The following YIPF5 variants were observed in gnomAD, a reference collection of about 807,000 sequenced individuals.
YIPF5 encodes the protein protein YIPF5.
In YIPF5, 8 loss-of-function variants were observed where a neutral mutation model predicts 30.4. The observed-to-expected ratio is 0.26, with a 90% confidence interval of 0.15 to 0.47. YIPF5 has a LOEUF of 0.47. Among genes scored for constraint, YIPF5 ranks in the 20% least tolerant of loss-of-function variants. YIPF5 has a pLI of 0.99. For missense variants in YIPF5, 282 were observed against 301.8 expected, an observed-to-expected ratio of 0.93 and a Z score of 0.49; for synonymous variants, 104 against 107.9, an observed-to-expected ratio of 0.96 and a Z score of 0.23.
chr5:144,164,885 T>C (rs764521791), intron 3 of YIPF5, among the ~76,000 whole-genome samples: 4 of 152,186 alleles, frequency 2.6e-5, no homozygotes, highest in Non-Finnish European at 5.9e-5. Context: ...TAAGGGGTTC[T>C]TTACTTGGGG....
At position 144,159,727 on chromosome 5, in the gene YIPF5, C is replaced by CA. The variant is rs1312154062; in HGVS notation, c.*669dup. ...TCTCCTTTTTTTTTTTTTTTTGAGA[C>CA]AGAGTCTCACCCTGTCACCCAGGCT... is the stretch of plus-strand genomic sequence containing the variant. On this transcript the variant is annotated 3_prime_UTR_variant, in exon 6 of 6. Coordinates refer to ENST00000274496, the MANE Select transcript of YIPF5 (RefSeq NM_030799.9). The CA allele has an allele frequency of 1.3e-5, 11 of 817,516 alleles. No individual in the cohort carries two copies. Among genetic ancestry groups the CA allele is most frequent in the African/African-American group, 2.2e-5 (1 of 46,014 alleles). The allele number at this position is 817,516 out of a possible 1,614,324, so 50.6% of individuals were successfully genotyped here. A position where few individuals can be genotyped will look rare whatever the true frequency, so the allele number is the denominator to read the frequency against.
Position 144,158,718 on chromosome 5 carries a change from G to A in YIPF5, c.*1679C>T, listed in dbSNP as rs1360488604. ...CCAAATTGCTTTTTTAAAGCAATTT[G>A]GTAAGTTTGAAAACCTAGCCCAAAA... On this transcript the variant is annotated 3_prime_UTR_variant, in exon 6 of 6. Transcript: ENST00000274496. The A allele has an allele frequency of 9.9e-7, 1 of 1,015,086 alleles. No individual in the cohort carries two copies. Among genetic ancestry groups the A allele is most frequent in the African/African-American group, 1.7e-5 (1 of 57,322 alleles). The allele number at this position is 1,015,086 out of a possible 1,614,324, so 62.9% of individuals were successfully genotyped here.
chr5:144,159,327 A>G lies in YIPF5; in HGVS notation c.*1070T>C. 1.0e-6 allele frequency: 1 copy of G among 976,518 alleles called. No individual in the cohort carries two copies. The highest frequency in any genetic ancestry group is 1.7e-5 in the African/African-American group (1 of 57,160). 60.5% of individuals were successfully genotyped at this position (976,518 alleles called of 1,614,324 possible). On this transcript the variant is annotated 3_prime_UTR_variant, in exon 6 of 6. Coordinates refer to ENST00000274496, the MANE Select transcript of YIPF5 (RefSeq NM_030799.9). ...AATGTACTTTACATTGATAATTGCA[A>G]TATTGAATTTTGTAAAACTTTAAAT...
Position 144,165,526 on chromosome 5 carries a change from G to A in YIPF5, c.189C>T (p.Thr63=), listed in dbSNP as rs372885688. The stretch of plus-strand genomic sequence containing the variant: ...CCTGAGTTGGCTGGTAAATCTGCCC[G>A]GTGTATGGCTGTTGTGGCTGCATCA... ...PDMMQPQQPY[T]GQIYQPTQAY... The change falls in exon 3 of 6, where the codon ACC becomes ACT. Residue 63 remains threonine, a synonymous_variant. Coordinates refer to ENST00000274496, the MANE Select transcript of YIPF5 (RefSeq NM_030799.9). 347 of 1,614,096 alleles carry A rather than the reference G, an allele frequency of 2.1e-4. 2 individuals carry two copies. The highest frequency in any genetic ancestry group is 3.3e-4 in the Middle Eastern group (2 of 6,060).
chr5:144,160,598 A>C, intron 5 of YIPF5, 39 bp from the exon 6 acceptor site: 1 of 1,544,360 alleles, frequency 6.5e-7, no homozygotes, highest in Non-Finnish European at 8.8e-7. Flanking sequence ...AAGAAAAAAA[A>C]GCAGATGAGA....
In YIPF5 at chr5:144,165,528, T is replaced by C. The variant is rs748594611; in HGVS notation, c.187A>G (p.Thr63Ala). The change falls in exon 3 of 6, where the codon ACC becomes GCC. Residue 63 changes from threonine (T) to alanine (A), a missense_variant. Thr to Ala is a moderately conservative substitution (Grantham distance 58, BLOSUM62 0). Transcript: ENST00000274496. ...TGAGTTGGCTGGTAAATCTGCCCGG[T>C]GTATGGCTGTTGTGGCTGCATCATG... ...PDMMQPQQPY[T>A]GQIYQPTQAY... The C allele has an allele frequency of 1.9e-5, 30 of 1,614,082 alleles. No individual in the cohort carries two copies. Among genetic ancestry groups the C allele is most frequent in the Non-Finnish European group, 2.5e-5 (30 of 1,180,036 alleles).
rs4505984 is a variant in YIPF5 at position 144,159,052 on chromosome 5, G to A, written c.*1345C>T. On this transcript the variant is annotated 3_prime_UTR_variant, in exon 6 of 6. Transcript: ENST00000274496. ...ATACAAGATACAGTATTTTCCTACA[G>A]ATTCTCTCTGGCAAGAGAACATGAC... The A allele has an allele frequency of 0.032, 31,824 of 983,352 alleles. 629 individuals are homozygous for A. Among genetic ancestry groups the A allele is most frequent in the African/African-American group, 0.094 (5,376 of 57,192 alleles). 60.9% of individuals were successfully genotyped at this position (983,352 alleles called of 1,614,324 possible). A position where few individuals can be genotyped will look rare whatever the true frequency, so the allele number is the denominator to read the frequency against.
chr5:144,160,027 G>A lies in YIPF5; in HGVS notation c.*370C>T. 2.0e-6 allele frequency: 2 copies of A among 993,636 alleles called. No individual in the cohort carries two copies. Among genetic ancestry groups the A allele is most frequent in the Non-Finnish European group, 2.4e-6 (2 of 835,536 alleles). The allele number at this position is 993,636 out of a possible 1,614,324, so 61.6% of individuals were successfully genotyped here. A position where few individuals can be genotyped will look rare whatever the true frequency, so the allele number is the denominator to read the frequency against. The stretch of plus-strand genomic sequence containing the variant: ...CCGGCCGTCTTGTGTCTTCTTTACT[G>A]TGACTGGGTCGTTTTTAAGAAAGGT... On this transcript the variant is annotated 3_prime_UTR_variant, in exon 6 of 6. Coordinates refer to ENST00000274496, the MANE Select transcript of YIPF5 (RefSeq NM_030799.9).
intron 3 of YIPF5, among the ~76,000 whole-genome samples, chr5:144,164,940 G>A (rs754285522): frequency 8.6e-5 from 13 of 152,046 alleles, no homozygotes; most frequent in Non-Finnish European, 1.6e-4. Context: ...ACAAAACTAC[G>A]TCTCTATGCA....
chr5:144,165,607 A>G lies in YIPF5; in HGVS notation c.111-3T>C. On this transcript the variant is annotated splice_polypyrimidine_tract_variant and splice_region_variant and intron_variant, in intron 2 of 5. Coordinates refer to ENST00000274496, the MANE Select transcript of YIPF5 (RefSeq NM_030799.9). Reference sequence around the variant, plus strand: ...AATAGTCATAGCCAGCATACTGTCTATAAATGAAAGAAAGTTAAATTTTTC... The same window carrying G: ...AATAGTCATAGCCAGCATACTGTCTGTAAATGAAAGAAAGTTAAATTTTTC... 6.2e-7 allele frequency: 1 copy of G among 1,613,500 alleles called. No individual in the cohort carries two copies. Among genetic ancestry groups the G allele is most frequent in the Non-Finnish European group, 8.5e-7 (1 of 1,179,524 alleles).
intron 3 of YIPF5, among the ~76,000 whole-genome samples, chr5:144,164,495 T>C (rs1008654525): frequency 6.6e-6 from 1 of 152,052 alleles, no homozygotes; most frequent in Non-Finnish European, 1.5e-5. Flanking sequence ...AAAGTGATGT[T>C]CCTGCCTCAG....
chr5:144,159,278 T>C lies in YIPF5; in HGVS notation c.*1119A>G. Reference sequence around the variant, plus strand: ...ATTCAATAACACAGTTAAAATTAATTGGGAAAGTTTTAATAAGCATTCAAA... The same window carrying C: ...ATTCAATAACACAGTTAAAATTAATCGGGAAAGTTTTAATAAGCATTCAAA... On this transcript the variant is annotated 3_prime_UTR_variant, in exon 6 of 6. Coordinates refer to ENST00000274496, the MANE Select transcript of YIPF5 (RefSeq NM_030799.9). 1.5e-5 allele frequency: 15 copies of C among 971,848 alleles called. No individual in the cohort carries two copies. Among genetic ancestry groups the C allele is most frequent in the Non-Finnish European group, 1.8e-5 (15 of 817,590 alleles). 60.2% of individuals were successfully genotyped at this position (971,848 alleles called of 1,614,324 possible).
At chr5:144,163,932 T>A in intron 4 of YIPF5, 179 bp downstream of exon 4, 1 of 550,280 alleles carries the variant, frequency 1.8e-6, no homozygotes, top group Non-Finnish European at 2.9e-6. Flanking sequence ...TAAAACATGC[T>A]ACACTTACTA....
At chr5:144,163,964 G>A (rs1248274254) in intron 4 of YIPF5, 147 bp downstream of exon 4, 18 of 751,536 alleles carry the variant, frequency 2.4e-5, no homozygotes, top group Non-Finnish European at 3.4e-5. Flanking sequence ...CTAATGAATA[G>A]GTATAAATAC....
rs1395946259 is a variant in YIPF5, at chr5:144,165,497, T to C, written c.218A>G (p.Tyr73Cys). 1.9e-6 allele frequency: 3 copies of C among 1,614,210 alleles called. No individual in the cohort carries two copies. The highest frequency in any genetic ancestry group is 2.5e-6 in the Non-Finnish European group (3 of 1,180,028). The change falls in exon 3 of 6, where the codon TAT becomes TGT. Residue 73 changes from tyrosine (Y) to cysteine (C), a missense_variant. Coordinates refer to ENST00000274496, the MANE Select transcript of YIPF5 (RefSeq NM_030799.9). The stretch of plus-strand genomic sequence containing the variant: ...GAAAGGCTGAGGTGAAGCTGGAGTA[T>C]ATGCCTGAGTTGGCTGGTAAATCTG... Reference protein sequence around the residue: ...TGQIYQPTQAYTPASPQPFYG... With the variant: ...TGQIYQPTQACTPASPQPFYG...
Position 144,165,611 on chromosome 5 carries a change from A to T in YIPF5, c.111-7T>A. The T allele has an allele frequency of 6.2e-7, 1 of 1,613,408 alleles. No individual in the cohort carries two copies. Among genetic ancestry groups the T allele is most frequent in the Non-Finnish European group, 8.5e-7 (1 of 1,179,436 alleles). ...GTCATAGCCAGCATACTGTCTATAA[A>T]TGAAAGAAAGTTAAATTTTTCAGAG... is the stretch of plus-strand genomic sequence containing the variant. On this transcript the variant is annotated splice_polypyrimidine_tract_variant and splice_region_variant and intron_variant, in intron 2 of 5. Transcript: ENST00000274496.
chr5:144,158,576 C>T lies in YIPF5; in HGVS notation c.*1821G>A. On this transcript the variant is annotated 3_prime_UTR_variant, in exon 6 of 6. Coordinates refer to ENST00000274496, the MANE Select transcript of YIPF5 (RefSeq NM_030799.9). ...GCAATATTTGGATATTAAGGGAAGA[C>T]ATTTGCCTTAACAAAAACTATACTG... is the stretch of plus-strand genomic sequence containing the variant. The T allele has an allele frequency of 8.9e-7, 1 of 1,120,990 alleles. No homozygotes were observed. The highest frequency in any genetic ancestry group is 2.0e-5 in the South Asian group (1 of 50,784). 69.4% of individuals were successfully genotyped at this position (1,120,990 alleles called of 1,614,324 possible). A position where few individuals can be genotyped will look rare whatever the true frequency, so the allele number is the denominator to read the frequency against.
In YIPF5 at chr5:144,165,470, T is replaced by C; in HGVS notation, c.245A>G (p.Tyr82Cys). The change falls in exon 3 of 6, where the codon TAT (tyrosine) becomes TGT (cysteine). Residue 82 changes from tyrosine to cysteine, a missense_variant. By Grantham distance (194) the Tyr-to-Cys change is radical. Coordinates refer to ENST00000274496, the MANE Select transcript of YIPF5 (RefSeq NM_030799.9). Reference protein sequence around the residue: ...AYTPASPQPFYGNNFEDEPPL... With the variant: ...AYTPASPQPFCGNNFEDEPPL... ...TGGCTCATCCTCAAAGTTGTTTCCATAGAAAGGCTGAGGTGAAGCTGGAGT... is the reference window on the plus strand; with the variant it reads ...TGGCTCATCCTCAAAGTTGTTTCCACAGAAAGGCTGAGGTGAAGCTGGAGT... The C allele has an allele frequency of 2.5e-6, 4 of 1,614,158 alleles. No individual in the cohort carries two copies. The highest frequency in any genetic ancestry group is 1.1e-5 in the South Asian group (1 of 91,088).
chr5:144,160,271 A>G lies in YIPF5; in HGVS notation c.*126T>C. On this transcript the variant is annotated 3_prime_UTR_variant, in exon 6 of 6. Transcript: ENST00000274496. ...GAACAAGAGATACACGTTTACTTTC[A>G]TTGCTCCAACAGTCAAATGTAAATC... 4.7e-6 allele frequency: 7 copies of G among 1,495,322 alleles called. No homozygotes were observed. The highest frequency in any genetic ancestry group is 6.2e-6 in the Non-Finnish European group (7 of 1,124,076). The allele number at this position is 1,495,322 out of a possible 1,614,324, so 92.6% of individuals were successfully genotyped here. A position where few individuals can be genotyped will look rare whatever the true frequency, so the allele number is the denominator to read the frequency against.
Sources: allele counts gnomAD v4.1 joint callset (sites outside exome capture counted in the v4.1 genomes callset), GRCh38; gene constraint gnomAD v4.1.1; transcripts MANE v1.5; gene names NCBI Gene and HGNC (gene_info 2026-07-23, HGNC 2026-07-21).